The following NR2E3 variants were observed in gnomAD, a reference collection of about 807,000 sequenced individuals.
NR2E3 encodes photoreceptor-specific nuclear receptor.
Under a neutral mutation model 37.6 loss-of-function variants are expected in NR2E3, and 38 were observed. The ratio of observed to expected loss-of-function variants is 1.01; its 90% confidence interval spans 0.78 to 1.33. The LOEUF is 1.33. Ranked by LOEUF, NR2E3 falls within the 40% of genes most tolerant of loss-of-function variation. The pLI is 0.00. For synonymous variants in NR2E3, 235 were observed against 225.1 expected (o/e 1.04, Z -0.39); for missense variants, 562 against 558.7 (o/e 1.01, Z -0.06).
intron 7 of NR2E3, among the ~76,000 whole-genome samples, chr15:71,817,101 CTTT>C (rs1555454986): frequency 8.6e-5 from 7 of 80,938 alleles, no homozygotes; most frequent in Non-Finnish European, 9.5e-5. Context: ...TTTCTTTTTT[CTTT>C]TTTTTTTTTT....
rs369480630 is a variant in NR2E3 at position 71,813,652 on chromosome 15, C to G, written c.994+17C>G. The G allele has an allele frequency of 2.5e-6, 4 of 1,612,854 alleles. No homozygotes were observed. Among genetic ancestry groups the G allele is most frequent in the Admixed American group, 3.3e-5 (2 of 60,014 alleles). ...TCAAGCCAGGTAACTGAGTCTCTGC[C>G]CAAACCTTGAGTGGGAATTCTGGTG... On this transcript the variant is annotated intron_variant, in intron 6 of 7. Coordinates refer to ENST00000617575, the MANE Select transcript of NR2E3 (RefSeq NM_014249.4). This position sits in a 1 kb window ranked among gnomAD's most constrained non-coding sequence, Gnocchi z 4.7.
At chr15:71,812,670 C>G (rs2054195316) in intron 5 of NR2E3, among the ~76,000 whole-genome samples, 159 bp downstream of exon 5, 3 of 152,124 alleles carry the variant, frequency 2.0e-5, no homozygotes, top group African/African-American at 7.2e-5. Context: ...TCAGCGATGG[C>G]TGGGGTGCAT....
Position 71,813,349 on chromosome 15 carries a change from C to A in NR2E3, c.748-40C>A. Reference sequence around the variant, plus strand: ...GAGGCTCCAGACTGAGCCAGAGAAGCTGTGTGTCTGCCATAACAGGCACCC... The same window carrying A: ...GAGGCTCCAGACTGAGCCAGAGAAGATGTGTGTCTGCCATAACAGGCACCC... On this transcript the variant is annotated intron_variant, in intron 5 of 7. Transcript: ENST00000617575. This position sits in a 1 kb window ranked among gnomAD's most constrained non-coding sequence, Gnocchi z 4.7. 6.3e-7 allele frequency: 1 copy of A among 1,598,942 alleles called. No individual in the cohort carries two copies.
chr15:71,814,299 A>G, intron 7 of NR2E3, 182 bp downstream of exon 7: 1 of 1,402,638 alleles, frequency 7.1e-7, no homozygotes, highest in Non-Finnish European at 9.3e-7. Context: ...ACCAAGATGT[A>G]CATAAGACAA....
At position 71,812,493 on chromosome 15, in the gene NR2E3, C is replaced by G; in HGVS notation, c.729C>G (p.Ser243Arg). Reference protein sequence around the residue: ...KWAKNLPVFSSLPFRDQVILL... With the variant: ...KWAKNLPVFSRLPFRDQVILL... ...CCAAGAACCTGCCTGTGTTCTCCAG[C>G]CTGCCCTTCCGGGATCAGGTACCTA... The change falls in exon 5 of 8, where the codon AGC becomes AGG. Residue 243 changes from serine (S) to arginine (R), a missense_variant. Transcript: ENST00000617575. The G allele has an allele frequency of 4.3e-6, 7 of 1,611,658 alleles. No individual in the cohort carries two copies. The highest frequency in any genetic ancestry group is 5.9e-6 in the Non-Finnish European group (7 of 1,178,364).
intron 7 of NR2E3, chr15:71,814,863 A>G (rs1202817201): frequency 5.1e-6 from 5 of 985,488 alleles, no homozygotes; most frequent in Non-Finnish European, 6.0e-6. Context: ...GGGAGACTCT[A>G]GGAGTTGAAA....
In NR2E3 at chr15:71,812,049, TC is replaced by T; in HGVS notation, c.449del (p.Pro150ArgfsTer29). ...AGTCCCGGCCGGAGTCCCTGGTGGC[TC>T]CCCCGGCCCCGGCAGGGCGCAGCCC... ...TESRPESLVAPPAPAGRSPRG... is the reference protein window; with the variant it reads ...TESRPESLVAXPAPAGRSPRG... On this transcript the variant is annotated frameshift_variant, in exon 4 of 8. Coordinates refer to ENST00000617575, the MANE Select transcript of NR2E3 (RefSeq NM_014249.4). LOFTEE classifies it high-confidence loss of function. 1 of 1,553,214 alleles carries T rather than the reference TC, an allele frequency of 6.4e-7. No homozygotes were observed. The highest frequency in any genetic ancestry group is 8.7e-7 in the Non-Finnish European group (1 of 1,148,592).
chr15:71,814,166 T>C, intron 7 of NR2E3, 49 bp downstream of exon 7: 1 of 1,571,564 alleles, frequency 6.4e-7, no homozygotes, highest in African/African-American at 1.3e-5. Context: ...ACCTCTAACC[T>C]TTCTCTGCCT....
chr15:71,813,880 T>C lies in NR2E3; in HGVS notation c.995-132T>C. ...CAGCCGGAGCCCCTGGTGGCTCCTC[T>C]GGGCCTGGCAGAGCCCACCCCACAG... On this transcript the variant is annotated intron_variant, in intron 6 of 7. Coordinates refer to ENST00000617575, the MANE Select transcript of NR2E3 (RefSeq NM_014249.4). The surrounding 1 kb of genome is among the most constrained non-coding windows in gnomAD (Gnocchi z 4.7). 8.5e-6 allele frequency: 13 copies of C among 1,522,772 alleles called. No individual in the cohort carries two copies. The highest frequency in any genetic ancestry group is 1.1e-5 in the Non-Finnish European group (13 of 1,139,812). 94.3% of individuals were successfully genotyped at this position (1,522,772 alleles called of 1,614,324 possible).
Position 71,810,717 on chromosome 15 carries a change from A to G in NR2E3, c.-27A>G. On this transcript the variant is annotated 5_prime_UTR_variant, in exon 1 of 8. Coordinates refer to ENST00000617575, the MANE Select transcript of NR2E3 (RefSeq NM_014249.4). ...AGGCTCAGCAACCCAGGCCTCCCGC[A>G]GGCAGGCAGAGGCTGCCCTGTAACC... The G allele has an allele frequency of 6.4e-7, 1 of 1,553,596 alleles. No homozygotes were observed. The highest frequency in any genetic ancestry group is 1.2e-5 in the South Asian group (1 of 83,998).
Position 71,811,465 on chromosome 15 carries a change from C to G in NR2E3, c.119-18C>G. ...GGCCCAGCCCTGCCCTGGCCCAGCCCTGCCCCCTGCCCCTCAGGCGTGAGC... is the reference window on the plus strand; with the variant it reads ...GGCCCAGCCCTGCCCTGGCCCAGCCGTGCCCCCTGCCCCTCAGGCGTGAGC... On this transcript the variant is annotated intron_variant, in intron 1 of 7. Transcript: ENST00000617575. The surrounding 1 kb of genome is among the most constrained non-coding windows in gnomAD (Gnocchi z 5.6). 1 of 1,549,040 alleles carries G rather than the reference C, an allele frequency of 6.5e-7. No individual in the cohort carries two copies. Among genetic ancestry groups the G allele is most frequent in the Non-Finnish European group, 8.7e-7 (1 of 1,146,880 alleles).
rs144639026 is a variant in NR2E3, at chr15:71,814,839, C to T, written c.1100+722C>T. The T allele has an allele frequency of 1.1e-4, 107 of 985,620 alleles. No homozygotes were observed. The African/African-American group carries it at 1.8e-3, about 16-fold the overall frequency. 61.1% of individuals were successfully genotyped at this position (985,620 alleles called of 1,614,324 possible). A position where few individuals can be genotyped will look rare whatever the true frequency, so the allele number is the denominator to read the frequency against. Reference sequence around the variant, plus strand: ...TGGAGTTCTGATCTTTGGGCATGGCCAGGGGAAGCAGAAGGGAGACTCTAG... The same window carrying T: ...TGGAGTTCTGATCTTTGGGCATGGCTAGGGGAAGCAGAAGGGAGACTCTAG... On this transcript the variant is annotated intron_variant, in intron 7 of 7. Coordinates refer to ENST00000617575, the MANE Select transcript of NR2E3 (RefSeq NM_014249.4).
Position 71,811,727 on chromosome 15 carries a change from G to A in NR2E3, c.246-39G>A. On this transcript the variant is annotated intron_variant, in intron 2 of 7. Transcript: ENST00000617575. This position sits in a 1 kb window ranked among gnomAD's most constrained non-coding sequence, Gnocchi z 5.6. ...TCCAAGCCCATGGCTCAGGGCATGG[G>A]AGGGACACTGACCCCTGGGGTCTCC... 1 of 1,547,068 alleles carries A rather than the reference G, an allele frequency of 6.5e-7. No homozygotes were observed. Among genetic ancestry groups the A allele is most frequent in the Non-Finnish European group, 8.7e-7 (1 of 1,143,296 alleles).
intron 5 of NR2E3, among the ~76,000 whole-genome samples, chr15:71,812,932 A>G (rs1046843506): frequency 9.2e-5 from 14 of 152,224 alleles, no homozygotes; most frequent in African/African-American, 3.1e-4. Flanking sequence ...TTTTAGTTCA[A>G]TCTCTCCAGC....
At chr15:71,816,463 C>T (rs144350098) in intron 7 of NR2E3, among the ~76,000 whole-genome samples, 1 of 151,876 alleles carries the variant, frequency 6.6e-6, no homozygotes, top group South Asian at 2.1e-4. Context: ...GGTTTCACCG[C>T]ATTAGCCAGG....
Position 71,811,773 on chromosome 15 carries a change from G to A in NR2E3, c.253G>A (p.Val85Met), listed in dbSNP as rs1025686445. 10 of 1,550,702 alleles carry A rather than the reference G, an allele frequency of 6.4e-6. No homozygotes were observed. Among genetic ancestry groups the A allele is most frequent in the Non-Finnish European group, 8.7e-6 (10 of 1,146,584 alleles). The change falls in exon 3 of 8, where the codon GTG becomes ATG. Residue 85 changes from valine (V) to methionine (M), a missense_variant. Transcript: ENST00000617575. This position sits in a 1 kb window ranked among gnomAD's most constrained non-coding sequence, Gnocchi z 5.6. ...VRRRLIYRCQ[V>M]GAGMCPVDKA... ...TCTCCTCTTCACCTGCAGGTGCCAGGTGGGGGCAGGGATGTGCCCCGTGGA... is the reference window on the plus strand; with the variant it reads ...TCTCCTCTTCACCTGCAGGTGCCAGATGGGGGCAGGGATGTGCCCCGTGGA...
chr15:71,816,833 T>C (rs1359397978), intron 7 of NR2E3, among the ~76,000 whole-genome samples: 1 of 152,134 alleles, frequency 6.6e-6, no homozygotes, highest in Non-Finnish European at 1.5e-5. Context: ...CATTGTTAAG[T>C]TGAAGCTACT....
chr15:71,814,197 T>C, intron 7 of NR2E3, 80 bp downstream of exon 7: 1 of 1,520,964 alleles, frequency 6.6e-7, no homozygotes, highest in South Asian at 1.2e-5. Flanking sequence ...CTCCCAGAGC[T>C]CACTGATTAG....
In NR2E3 at chr15:71,817,773, C is replaced by T. The variant is rs182387227; in HGVS notation, c.*89C>T. The stretch of plus-strand genomic sequence containing the variant: ...CCTACTCTTTGCCCCAGCAATTCCT[C>T]GTAGGTGTGTGTACCCAGCAGAAAT... On this transcript the variant is annotated 3_prime_UTR_variant, in exon 8 of 8. Coordinates refer to ENST00000617575, the MANE Select transcript of NR2E3 (RefSeq NM_014249.4). 107 of 1,290,598 alleles carry T rather than the reference C, an allele frequency of 8.3e-5. No homozygotes were observed. The African/African-American group carries it at 1.4e-3, about 17-fold the overall frequency. The allele number at this position is 1,290,598 out of a possible 1,614,324, so 79.9% of individuals were successfully genotyped here.
Sources: gnomAD v4.1 joint callset for allele counts (sites outside exome capture counted in the v4.1 genomes callset) on GRCh38, gnomAD v4.1.1 for gene constraint, Gnocchi (gnomAD v3.1) non-coding constraint, MANE v1.5 for transcripts, NCBI Gene and HGNC (gene_info 2026-07-23, HGNC 2026-07-21) for gene names.